The following METTL15 variants were observed in gnomAD, a reference collection of about 807,000 sequenced individuals.
METTL15 encodes the protein 12S rRNA N(4)-cytidine methyltransferase METTL15.
Under a neutral mutation model 38.3 loss-of-function variants are expected in METTL15, and 34 were observed. That is an observed-to-expected ratio of 0.89 (90% CI 0.68 to 1.18). The LOEUF (loss-of-function observed/expected upper bound fraction) is 1.18. Among genes scored for constraint, METTL15 ranks in the 50% most tolerant of loss-of-function variants. The pLI is 0.00. For synonymous variants in METTL15, 162 were observed against 170.9 expected, an observed-to-expected ratio of 0.95 and a Z score of 0.41; for missense variants, 438 against 498.4, an observed-to-expected ratio of 0.88 and a Z score of 1.15.
At chr11:28,222,858 A>G (rs1011749333) in intron 4 of METTL15, among the ~76,000 whole-genome samples, 1 of 152,230 alleles carries the variant, frequency 6.6e-6, no homozygotes, top group African/African-American at 2.4e-5. Context: ...ATTGATATCT[A>G]CTATATAGGA....
At chr11:28,529,125 A>G (rs1851830042), downstream of METTL15, among the ~76,000 whole-genome samples, 1 of 152,158 alleles carries the variant, frequency 6.6e-6, no homozygotes, top group South Asian at 2.1e-4. Context: ...GAAAGACTTT[A>G]AGATCAATAA....
At chr11:28,412,685 A>C (rs1850738686) in intron 5 of METTL15, among the ~76,000 whole-genome samples, 1 of 152,060 alleles carries the variant, frequency 6.6e-6, no homozygotes, top group Non-Finnish European at 1.5e-5. Context: ...ATATATTAAA[A>C]AGAGAGCTTA....
chr11:28,513,853 G>A (rs558179457), intron 6 of METTL15, among the ~76,000 whole-genome samples: 35 of 152,364 alleles, frequency 2.3e-4, no homozygotes, highest in African/African-American at 7.9e-4. Flanking sequence ...CCCTGGGCGG[G>A]CCAGGTGTTC....
rs564717036 is a variant in METTL15 at position 28,131,117 on chromosome 11, C to T, written c.270+17513C>T. 2.0e-3 allele frequency among the ~76,000 whole-genome samples: 298 copies of T among 152,094 alleles called. 1 individual carries two copies. The highest frequency in any genetic ancestry group is 6.0e-3 in the African/African-American group (247 of 41,496). ...CAGTCTAAACACATTTTCAGAATGC[C>T]CCCATTGAGCATTTCTAGGTTAGAG... On this transcript the variant is annotated intron_variant, in intron 3 of 6. Coordinates refer to ENST00000407364, the MANE Select transcript of METTL15 (RefSeq NM_001113528.2).
chr11:28,336,730 G>T (rs1163858200), downstream of METTL15, among the ~76,000 whole-genome samples: 2 of 152,216 alleles, frequency 1.3e-5, no homozygotes, highest in Non-Finnish European at 2.9e-5. Flanking sequence ...TGATGCTGCT[G>T]CTGTTAACCT....
intron 3 of METTL15, among the ~76,000 whole-genome samples, chr11:28,341,112 T>C (rs548330494): frequency 6.6e-6 from 1 of 151,718 alleles, no homozygotes; most frequent in South Asian, 2.1e-4. Flanking sequence ...TAAGTGGGAG[T>C]TGAACAGTGA....
At chr11:28,379,385 C>T (rs145936689) in intron 5 of METTL15, among the ~76,000 whole-genome samples, 1 of 152,000 alleles carries the variant, frequency 6.6e-6, no homozygotes, top group African/African-American at 2.4e-5. Flanking sequence ...TGCTGTATCC[C>T]ATAGATTTTG....
chr11:28,194,189 TCTC>T lies in METTL15; in HGVS notation c.271-16869_271-16867del, dbSNP rs1361580696. ...CTTTCTTTCTTTTTCTCTCTCTCTC[TCTC>T]CTCTCTCTCTCTCTCTCTCTTAATA... On this transcript the variant is annotated intron_variant, in intron 3 of 6. Coordinates refer to ENST00000407364, the MANE Select transcript of METTL15 (RefSeq NM_001113528.2). Among the ~76,000 whole-genome samples, 85 of 46,312 alleles carry T rather than the reference TCTC, an allele frequency of 1.8e-3. No individual in the cohort carries two copies. In the Middle Eastern group the frequency reaches 0.031, roughly 17 times the overall value. 30.4% of individuals were successfully genotyped at this position (46,312 alleles called of 152,430 possible).
At chr11:28,476,625 A>C (rs964612456) in intron 6 of METTL15, among the ~76,000 whole-genome samples, 3 of 152,158 alleles carry the variant, frequency 2.0e-5, no homozygotes, top group Non-Finnish European at 4.4e-5. Context: ...TTCCTAAGAG[A>C]AACTATATTT....
chr11:28,208,267 A>T (rs796601484), intron 3 of METTL15, among the ~76,000 whole-genome samples: 1 of 152,096 alleles, frequency 6.6e-6, no homozygotes, highest in African/African-American at 2.4e-5. Context: ...ATTTCCCTCT[A>T]TACTCTGCTT....
intron 4 of METTL15, among the ~76,000 whole-genome samples, chr11:28,353,516 T>C (rs1163701282): frequency 6.6e-6 from 1 of 152,120 alleles, no homozygotes; most frequent in Non-Finnish European, 1.5e-5. Context: ...TACCATGTGA[T>C]AGACAGCAGG....
intron 3 of METTL15, among the ~76,000 whole-genome samples, chr11:28,207,730 A>G (rs1590159015): frequency 6.6e-6 from 1 of 152,228 alleles, no homozygotes; most frequent in East Asian, 1.9e-4. Flanking sequence ...CTGTGAATCC[A>G]TCTGGTCCTG....
intron 3 of METTL15, among the ~76,000 whole-genome samples, chr11:28,207,122 C>T (rs553553878): frequency 2.7e-5 from 4 of 149,750 alleles, no homozygotes; most frequent in South Asian, 4.4e-4. Context: ...CCTCATTGCC[C>T]TGGCCAGAAC....
At chr11:28,512,562 G>T (rs1230401398) in intron 6 of METTL15, among the ~76,000 whole-genome samples, 1 of 152,212 alleles carries the variant, frequency 6.6e-6, no homozygotes, top group Non-Finnish European at 1.5e-5. Flanking sequence ...ACCCTCCGAG[G>T]CAGCTGGCCC....
At chr11:28,388,470 G>C (rs1409084157) in intron 5 of METTL15, among the ~76,000 whole-genome samples, 1 of 151,864 alleles carries the variant, frequency 6.6e-6, no homozygotes, top group African/African-American at 2.4e-5. Context: ...ACCAACAAAA[G>C]AATAAAACAG....
At chr11:28,229,107 A>G (rs1317985109) in intron 4 of METTL15, among the ~76,000 whole-genome samples, 2 of 152,008 alleles carry the variant, frequency 1.3e-5, no homozygotes, top group East Asian at 3.9e-4. Context: ...TGAATATTAA[A>G]TAAGTTTATG....
At chr11:28,484,393 C>T (rs1482489775) in intron 6 of METTL15, among the ~76,000 whole-genome samples, 1 of 152,200 alleles carries the variant, frequency 6.6e-6, no homozygotes, top group Admixed American at 6.5e-5. Flanking sequence ...AAATGCGACA[C>T]TGCCCTGATG....
chr11:28,194,984 G>C (rs1851857784), intron 3 of METTL15, among the ~76,000 whole-genome samples: 1 of 151,882 alleles, frequency 6.6e-6, no homozygotes. Flanking sequence ...ACTTTACTTA[G>C]AATAATGATC....
intron 4 of METTL15, among the ~76,000 whole-genome samples, chr11:28,236,672 A>G (rs189728279): frequency 5.9e-5 from 9 of 152,212 alleles, no homozygotes; most frequent in African/African-American, 2.2e-4. Context: ...TTTGCTCATT[A>G]GTTGATGCAG....
Sources: gnomAD v4.1 joint callset for allele counts (sites outside exome capture counted in the v4.1 genomes callset) on GRCh38, gnomAD v4.1.1 for gene constraint, MANE v1.5 for transcripts, NCBI Gene and HGNC (gene_info 2026-07-23, HGNC 2026-07-21) for gene names.